PTPN14: variants seen among roughly 807,000 people sequenced by gnomAD.
The protein encoded by PTPN14 is protein tyrosine phosphatase non-receptor type 14, also known as tyrosine-protein phosphatase non-receptor type 14.
Under a neutral mutation model 126.8 loss-of-function variants are expected in PTPN14, and 53 were observed. The observed-to-expected ratio is 0.42, with a 90% confidence interval of 0.34 to 0.53. The LOEUF (loss-of-function observed/expected upper bound fraction) is 0.53, where lower values mean the gene tolerates loss of function less well. PTPN14 is among the 20% of genes least tolerant of loss of function. The probability of loss-of-function intolerance (pLI) is 0.08; values close to 1 mark genes in which losing one functional copy is unlikely to be tolerated. For missense variants in PTPN14, 1,257 were observed against 1,552.9 expected (o/e 0.81, Z 3.20); for synonymous variants, 630 against 599.3 (o/e 1.05, Z -0.75).
intron 3 of PTPN14, among the ~76,000 whole-genome samples, chr1:214,424,601 C>T (rs1461249551): frequency 2.6e-5 from 4 of 151,658 alleles, no homozygotes; most frequent in Admixed American, 2.0e-4. Context: ...AATCTTGGCT[C>T]ATTGCAACCT....
chr1:214,513,863 C>T (rs915372006), intron 1 of PTPN14, among the ~76,000 whole-genome samples: 2 of 152,118 alleles, frequency 1.3e-5, no homozygotes, highest in Non-Finnish European at 2.9e-5. Flanking sequence ...AAAGTCGATT[C>T]TCATTAAATT....
intron 2 of PTPN14, among the ~76,000 whole-genome samples, chr1:214,463,509 A>G (rs1219933569): frequency 1.3e-5 from 2 of 152,204 alleles, no homozygotes; most frequent in Non-Finnish European, 2.9e-5. Context: ...CAGGAGACAG[A>G]TGCATTTCAG....
chr1:214,383,534 G>A lies in PTPN14; in HGVS notation c.2321C>T (p.Ala774Val), dbSNP rs1248569738. Residue 774 changes from alanine (A) to valine (V), a missense_variant, in exon 13 of 19, where the codon GCC becomes GTC. Ala to Val is a moderately conservative substitution (Grantham distance 64). Around this residue, in one of 3 missense-constraint regions of PTPN14, gnomAD observed 1,021 missense variants for 1,183.3 expected, o/e 0.86. Coordinates refer to ENST00000366956, the MANE Select transcript of PTPN14 (RefSeq NM_005401.5). This position sits in a 1 kb window ranked among gnomAD's most constrained non-coding sequence, Gnocchi z 4.4. ...LRQDQASLPP[A>V]MARARVLRHG... ...CCTCAGCACCCTGGCTCTGGCCATG[G>A]CGGGAGGAAGGCTGGCTTGGTCCTG... 2.5e-6 allele frequency: 4 copies of A among 1,613,986 alleles called. No homozygotes were observed. In the African/African-American group the frequency reaches 5.3e-5, roughly 21 times the overall value.
chr1:214,368,861 A>G (rs1658147795), intron 17 of PTPN14, among the ~76,000 whole-genome samples: 2 of 152,190 alleles, frequency 1.3e-5, no homozygotes, highest in South Asian at 4.1e-4. Flanking sequence ...CTGTGCCTAT[A>G]GTCCCAGCTA....
At chr1:214,401,542 C>T in intron 7 of PTPN14, 143 bp downstream of exon 7, 1 of 685,578 alleles carries the variant, frequency 1.5e-6, no homozygotes, top group Non-Finnish European at 2.4e-6. Flanking sequence ...ATTTGTTTAT[C>T]TATAATAAAT....
chr1:214,421,133 A>G (rs1659535270), intron 3 of PTPN14, among the ~76,000 whole-genome samples: 1 of 152,262 alleles, frequency 6.6e-6, no homozygotes, highest in Non-Finnish European at 1.5e-5. Flanking sequence ...AACAGCCAAA[A>G]AGAGGAAACA....
chr1:214,474,209 C>T (rs1015965387), intron 1 of PTPN14, among the ~76,000 whole-genome samples: 5 of 152,172 alleles, frequency 3.3e-5, no homozygotes, highest in African/African-American at 1.2e-4. Context: ...TGAAACATGG[C>T]TACACAGCAA....
intron 5 of PTPN14, among the ~76,000 whole-genome samples, chr1:214,404,149 GAA>G (rs1178443943): frequency 6.6e-6 from 1 of 152,146 alleles, no homozygotes; most frequent in African/African-American, 2.4e-5. Context: ...TCAAAACTGT[GAA>G]AAACATCCCA....
chr1:214,444,982 TCA>T (rs1157778769), intron 3 of PTPN14, among the ~76,000 whole-genome samples: 1 of 152,250 alleles, frequency 6.6e-6, no homozygotes, highest in Non-Finnish European at 1.5e-5. Context: ...GTATTTATTC[TCA>T]GTTGGTTGAA....
rs1656106306 is a variant in PTPN14, at chr1:214,551,307, C to G, written c.-279G>C. 1 of 152,504 alleles carries G rather than the reference C, an allele frequency of 6.6e-6. No individual in the cohort carries two copies. Among genetic ancestry groups the G allele is most frequent in the Non-Finnish European group, 1.5e-5 (1 of 68,264 alleles). The allele number at this position is 152,504 out of a possible 1,614,324, so 9.4% of individuals were successfully genotyped here. On this transcript the variant is annotated 5_prime_UTR_variant, in exon 1 of 19. Transcript: ENST00000366956. Reference sequence around the variant, plus strand: ...GCGGAGGAGGGGCGAAGGGAAGGAGCCGCAGGAGGCGAAAGGGGAGGGAGG... The same window carrying G: ...GCGGAGGAGGGGCGAAGGGAAGGAGGCGCAGGAGGCGAAAGGGGAGGGAGG...
rs1359210249 is a variant in PTPN14, at chr1:214,350,722, T to TG, written c.*7199_*7200insC. The TG allele has an allele frequency of 1.6e-5, 2 of 127,274 alleles. No individual in the cohort carries two copies. The highest frequency in any genetic ancestry group is 5.9e-5 in the African/African-American group (2 of 33,980). 7.9% of individuals were successfully genotyped at this position (127,274 alleles called of 1,614,324 possible). ...TGCCTGGCTAATTTTTTTTTTTTTT[T>TG]TTTTTTTTGTATTTTTAGTAGAGAC... On this transcript the variant is annotated 3_prime_UTR_variant, in exon 19 of 19. Coordinates refer to ENST00000366956, the MANE Select transcript of PTPN14 (RefSeq NM_005401.5).
At chr1:214,395,992 C>T (rs1193655999) in intron 8 of PTPN14, among the ~76,000 whole-genome samples, 1 of 152,058 alleles carries the variant, frequency 6.6e-6, no homozygotes, top group Non-Finnish European at 1.5e-5. Context: ...ATTTTTACTT[C>T]TGTGATGAGA....
intron 5 of PTPN14, among the ~76,000 whole-genome samples, chr1:214,403,558 T>C (rs1341111295): frequency 3.9e-5 from 6 of 152,176 alleles, no homozygotes. Context: ...CCCAGGCCCC[T>C]GGAACCTGTG....
At chr1:214,532,546 A>AG (rs1655580364) in intron 1 of PTPN14, 2 of 1,063,684 alleles carry the variant, frequency 1.9e-6, no homozygotes, top group Non-Finnish European at 2.9e-6. Context: ...AAGGGACCCC[A>AG]GGTCAGAGAC....
chr1:214,383,894 T>G lies in PTPN14; in HGVS notation c.1961A>C (p.Glu654Ala), dbSNP rs766772565. ...EVMNSMVRGM[E>A]AMTLKSLHLP... ...GTGGAGCGACTTGAGCGTCATGGCC[T>G]CCATGCCCCGCACCATGCTGTTCAT... is the stretch of plus-strand genomic sequence containing the variant. The change falls in exon 13 of 19, where the codon GAG (glutamate) becomes GCG (alanine). Residue 654 changes from glutamate (E) to alanine (A), a missense_variant. Transcript: ENST00000366956. The surrounding 1 kb of genome is among the most constrained non-coding windows in gnomAD (Gnocchi z 4.4). The G allele has an allele frequency of 6.2e-7, 1 of 1,613,334 alleles. No homozygotes were observed. Among genetic ancestry groups the G allele is most frequent in the South Asian group, 1.1e-5 (1 of 91,070 alleles).
At chr1:214,371,066 A>C (rs34785160) in intron 16 of PTPN14, among the ~76,000 whole-genome samples, 2,888 of 152,116 alleles carry the variant, frequency 0.019, 34 homozygotes, top group Non-Finnish European at 0.029. Context: ...TGAGTGTCTA[A>C]ATCAGTTATG....
intron 17 of PTPN14, among the ~76,000 whole-genome samples, chr1:214,367,009 C>A (rs1446087026): frequency 1.3e-5 from 2 of 150,384 alleles, no homozygotes; most frequent in East Asian, 3.9e-4. Flanking sequence ...AATACTATGT[C>A]TTTTTTGGTA....
Position 214,383,670 on chromosome 1 carries a change from C to T in PTPN14, c.2185G>A (p.Glu729Lys), listed in dbSNP as rs1186746968. The change falls in exon 13 of 19, where the codon GAG (glutamate) becomes AAG (lysine). Residue 729 changes from glutamate (E) to lysine (K), a missense_variant. Transcript: ENST00000366956. This position sits in a 1 kb window ranked among gnomAD's most constrained non-coding sequence, Gnocchi z 4.4. ...ESVPQIPMLR[E>K]KMEYSAQLQA... ...AGCTGGGCACTGTACTCCATCTTCT[C>T]CCGGAGCATGGGGATCTGGGGCACC... The T allele has an allele frequency of 3.7e-6, 6 of 1,613,504 alleles. No individual in the cohort carries two copies. The East Asian group carries it at 1.3e-4, about 36-fold the overall frequency.
chr1:214,368,204 A>ATTTATTTATTTATTT (rs1490908622), intron 17 of PTPN14, among the ~76,000 whole-genome samples: 5 of 150,938 alleles, frequency 3.3e-5, no homozygotes, highest in Admixed American at 3.3e-4. Context: ...GTTTTTATTT[A>ATTTATTTATTTATTT]TTTATTTATT....
Sources: allele counts gnomAD v4.1 joint callset (sites outside exome capture counted in the v4.1 genomes callset), GRCh38; gene constraint gnomAD v4.1.1; regional missense constraint gnomAD v4.1.1; non-coding constraint Gnocchi (gnomAD v3.1); transcripts MANE v1.5; gene names NCBI Gene and HGNC (gene_info 2026-07-23, HGNC 2026-07-21).